The following MYH7B variants were observed in gnomAD, a reference collection of about 807,000 sequenced individuals.
MYH7B encodes myosin-7B.
In MYH7B, 205 loss-of-function variants were observed where a neutral mutation model predicts 234.5. The ratio of observed to expected loss-of-function variants is 0.87; its 90% CI spans 0.78 to 0.98. The LOEUF (loss-of-function observed/expected upper bound fraction) is 0.98, where lower values mean the gene tolerates loss of function less well. Ranked by LOEUF, MYH7B falls within the 50% of genes least tolerant of loss-of-function variation. MYH7B has a pLI of 0.00. For missense variants in MYH7B, 2,652 were observed against 2,633.4 expected (o/e 1.01, Z -0.15); for synonymous variants, 1,193 against 1,105.0 (o/e 1.08, Z -1.58).
Position 35,002,128 on chromosome 20 carries a change from T to G in MYH7B, c.5814+43T>G, listed in dbSNP as rs753372047. On this transcript the variant is annotated intron_variant, in intron 44 of 44. Transcript: ENST00000262873. ...CATTGCTCTCTGTGCAGGGGGACTGTGGGGGCTGACAGGTAGTACTGCTCA... is the reference window on the plus strand; with the variant it reads ...CATTGCTCTCTGTGCAGGGGGACTGGGGGGGCTGACAGGTAGTACTGCTCA... 3.1e-6 allele frequency: 5 copies of G among 1,608,442 alleles called. No homozygotes were observed. The South Asian group carries it at 5.5e-5, about 18-fold the overall frequency.
chr20:34,987,133 C>T lies in MYH7B; in HGVS notation c.1009-16C>T. 6.2e-7 allele frequency: 1 copy of T among 1,613,006 alleles called. No individual in the cohort carries two copies. Among genetic ancestry groups the T allele is most frequent in the Non-Finnish European group, 8.5e-7 (1 of 1,179,682 alleles). ...GCCCAGACCTCTCTGAACTCGCTTTCCCTGCTGCCCCCCAGCATGCCATGG... is the reference window on the plus strand; with the variant it reads ...GCCCAGACCTCTCTGAACTCGCTTTTCCTGCTGCCCCCCAGCATGCCATGG... On this transcript the variant is annotated splice_polypyrimidine_tract_variant and intron_variant, in intron 15 of 44. Transcript: ENST00000262873.
At chr20:34,978,171 G>A in intron 5 of MYH7B, 75 bp downstream of exon 5, 3 of 1,570,062 alleles carry the variant, frequency 1.9e-6, no homozygotes, top group Admixed American at 1.7e-5. Context: ...ATTGGGAGGG[G>A]TGGCACCAGC....
intron 2 of MYH7B, among the ~76,000 whole-genome samples, chr20:34,967,327 G>C (rs2081752005): frequency 1.3e-5 from 2 of 152,070 alleles, no homozygotes; most frequent in Admixed American, 1.3e-4. Flanking sequence ...AAATCTGAAG[G>C]CTCTGCTCAA....
rs1329105845 is a variant in MYH7B at position 34,988,805 on chromosome 20, CCTTT to C, written c.1587+544_1587+547del. Among the ~76,000 whole-genome samples the C allele has an allele frequency of 3.8e-4, 43 of 113,128 alleles. No homozygotes were observed. In the East Asian group the frequency reaches 0.011, roughly 29 times the overall value. 74.2% of individuals were successfully genotyped at this position (113,128 alleles called of 152,430 possible). A position where few individuals can be genotyped will look rare whatever the true frequency, so the allele number is the denominator to read the frequency against. ...GTTCATTTCCTCGAAATCCTTTATC[CCTTT>C]TTTTTTTTTTTTTTTTTTGAGATGG... On this transcript the variant is annotated intron_variant, in intron 19 of 44. Transcript: ENST00000262873.
At chr20:35,001,860 GAGCT>G (rs1168808790) in intron 43 of MYH7B, 84 bp from the exon 44 acceptor site, 2 of 1,533,812 alleles carry the variant, frequency 1.3e-6, no homozygotes, top group Non-Finnish European at 1.8e-6. Flanking sequence ...GAACCAGGAG[GAGCT>G]AGCTCCCTTC....
At chr20:34,970,958 G>A (rs530589870) in intron 2 of MYH7B, among the ~76,000 whole-genome samples, 6 of 152,258 alleles carry the variant, frequency 3.9e-5, no homozygotes, top group African/African-American at 1.4e-4. Context: ...TCAAGGATGC[G>A]GCATGTCAGA....
In MYH7B at chr20:34,988,079, C is replaced by T. The variant is rs1314855575; in HGVS notation, c.1417-13C>T. The T allele has an allele frequency of 1.2e-6, 2 of 1,607,304 alleles. No homozygotes were observed. The highest frequency in any genetic ancestry group is 2.7e-5 in the African/African-American group (2 of 74,836). The stretch of plus-strand genomic sequence containing the variant: ...GCGAGAGGTCTGCTGAGCCAGGCCC[C>T]TCCCTCTTGTAGTTCAACAGCTTCG... On this transcript the variant is annotated splice_polypyrimidine_tract_variant and intron_variant, in intron 18 of 44. Coordinates refer to ENST00000262873, the Ensembl canonical transcript of MYH7B.
chr20:34,975,336 C>T (rs1600414461), intron 2 of MYH7B, 64 bp from the exon 3 acceptor site: 1 of 531,944 alleles, frequency 1.9e-6, no homozygotes, highest in African/African-American at 1.9e-5. Context: ...TCCTGAGTAG[C>T]TGAGACTACA....
intron 1 of MYH7B, among the ~76,000 whole-genome samples, chr20:34,957,131 G>A (rs1381701376): frequency 6.6e-6 from 1 of 152,190 alleles, no homozygotes; most frequent in African/African-American, 2.4e-5. Flanking sequence ...TGAGGAGTTT[G>A]GTGTGGATAA....
At chr20:35,002,324 G>T in exon 45 of MYH7B, 3 of 961,596 alleles carry the variant, frequency 3.1e-6, no homozygotes, top group Non-Finnish European at 4.4e-6. Context: ...AAACACCACA[G>T]CCAGTTTCCT....
chr20:34,965,162 G>C (rs1316166824), intron 2 of MYH7B, among the ~76,000 whole-genome samples: 1 of 152,156 alleles, frequency 6.6e-6, no homozygotes, highest in Admixed American at 6.5e-5. Context: ...AAAGTACTGG[G>C]ATTACAGGCA....
rs200730535 is a variant in MYH7B at position 34,997,671 on chromosome 20, C to A, written c.3747+31C>A. The A allele has an allele frequency of 1.1e-5, 17 of 1,610,438 alleles. No homozygotes were observed. The South Asian group carries it at 1.8e-4, about 17-fold the overall frequency. ...CGTGCCTTCCTCACCCCATACCCAC[C>A]CTGACTTTAAACCAATCCCGATCCC... On this transcript the variant is annotated intron_variant, in intron 32 of 44. Coordinates refer to ENST00000262873, the Ensembl canonical transcript of MYH7B.
At chr20:34,995,777 G>A (rs1412744839) in intron 28 of MYH7B, among the ~76,000 whole-genome samples, 199 bp downstream of exon 28, 1 of 152,254 alleles carries the variant, frequency 6.6e-6, no homozygotes, top group African/African-American at 2.4e-5. Context: ...GTGGTGATGT[G>A]TGTAATTGGC....
intron 42 of MYH7B, 28 bp from the exon 43 acceptor site, chr20:35,001,403 A>G: frequency 6.3e-7 from 1 of 1,594,612 alleles, no homozygotes; most frequent in Non-Finnish European, 8.5e-7. Context: ...CAGCCCAAGC[A>G]AGCCCTGAGT....
At chr20:34,995,767 G>A (rs906369968) in intron 28 of MYH7B, among the ~76,000 whole-genome samples, 189 bp downstream of exon 28, 3 of 152,282 alleles carry the variant, frequency 2.0e-5, no homozygotes, top group Admixed American at 6.5e-5. Context: ...ATTAGGGTAG[G>A]TGGTGATGTG....
intron 36 of MYH7B, 24 bp downstream of exon 36, chr20:34,999,429 CCAGGGT>C (rs753036564): frequency 6.6e-7 from 1 of 1,511,618 alleles, no homozygotes; most frequent in Non-Finnish European, 8.8e-7. Flanking sequence ...CACGCCAGGG[CCAGGGT>C]GCTGCCCTGG....
intron 9 of MYH7B, chr20:34,981,613 G>C (rs2147178045): frequency 6.5e-6 from 1 of 153,576 alleles, no homozygotes; most frequent in African/African-American, 2.4e-5. Flanking sequence ...CACTTTGGGA[G>C]GCTGAGGTGG....
At chr20:34,982,250 T>C (rs1472791854) in intron 9 of MYH7B, among the ~76,000 whole-genome samples, 3 of 152,102 alleles carry the variant, frequency 2.0e-5, no homozygotes, top group South Asian at 4.1e-4. Context: ...AGTTAGTCCG[T>C]AGTGGACAAT....
In MYH7B at chr20:34,977,914, T is replaced by G; in HGVS notation, c.-72-20T>G. ...GGGATCGTGCCCTAGTTCAGCTCCCTTGTCACTGCCATCTTCCAGTGCCTG... is the reference window on the plus strand; with the variant it reads ...GGGATCGTGCCCTAGTTCAGCTCCCGTGTCACTGCCATCTTCCAGTGCCTG... On this transcript the variant is annotated intron_variant, in intron 4 of 44. Transcript: ENST00000262873. 6.2e-7 allele frequency: 1 copy of G among 1,612,842 alleles called. No individual in the cohort carries two copies. Among genetic ancestry groups the G allele is most frequent in the East Asian group, 2.2e-5 (1 of 44,876 alleles).
Sources: gnomAD v4.1 joint callset for allele counts (sites outside exome capture counted in the v4.1 genomes callset) on GRCh38, gnomAD v4.1.1 for gene constraint, MANE v1.5 for transcripts, NCBI Gene and HGNC (gene_info 2026-07-23, HGNC 2026-07-21) for gene names.